SOCS5: variants seen among roughly 807,000 people sequenced by gnomAD.
SOCS5 encodes CIS-6.
Under a neutral mutation model 42.8 loss-of-function variants are expected in SOCS5, and 32 were observed. The observed-to-expected ratio is 0.75, with a 90% CI of 0.56 to 1.01. The LOEUF is 1.01. Among genes scored for constraint, SOCS5 ranks in the 50% least tolerant of loss-of-function variants. SOCS5 has a pLI of 0.00. For missense variants in SOCS5, 627 were observed against 653.0 expected (o/e 0.96, Z 0.43); for synonymous variants, 283 against 229.6 (o/e 1.23, Z -2.10).
intron 1 of SOCS5, among the ~76,000 whole-genome samples, chr2:46,753,716 T>A (rs1245061896): frequency 6.6e-6 from 1 of 152,152 alleles, no homozygotes; most frequent in African/African-American, 2.4e-5. Context: ...TTCTTGATTA[T>A]ATGCTAAACA....
chr2:46,758,338 C>T (rs200381087), intron 1 of SOCS5, among the ~76,000 whole-genome samples, 181 bp from the exon 2 acceptor site: 12 of 152,172 alleles, frequency 7.9e-5, no homozygotes, highest in Non-Finnish European at 1.5e-4. Flanking sequence ...CTAAAAGGCC[C>T]GGTGGCCTTC....
At chr2:46,728,261 T>A (rs1321731732) in intron 1 of SOCS5, among the ~76,000 whole-genome samples, 1 of 152,230 alleles carries the variant, frequency 6.6e-6, no homozygotes, top group South Asian at 2.1e-4. Context: ...TCAGAATCTT[T>A]AAATAGCTGC....
At chr2:46,711,686 G>A (rs1275464835) in intron 1 of SOCS5, among the ~76,000 whole-genome samples, 1 of 152,114 alleles carries the variant, frequency 6.6e-6, no homozygotes, top group Non-Finnish European at 1.5e-5. Flanking sequence ...AAGAATCTTT[G>A]CCACCCCCAC....
intron 1 of SOCS5, among the ~76,000 whole-genome samples, chr2:46,714,940 C>A (rs1268961469): frequency 6.6e-6 from 1 of 151,970 alleles, no homozygotes; most frequent in Non-Finnish European, 1.5e-5. Flanking sequence ...TCGTGATTTG[C>A]CTTCAACTAA....
chr2:46,734,145 AGCAATAGTTGGT>A (rs1400971631), intron 1 of SOCS5, among the ~76,000 whole-genome samples: 3 of 152,140 alleles, frequency 2.0e-5, no homozygotes, highest in East Asian at 3.8e-4. Flanking sequence ...ACTTCTGTGG[AGCAATAGTTGGT>A]GCTGTTTTTT....
rs1264837314 is a variant in SOCS5, at chr2:46,759,067, G to C, written c.537G>C (p.Gln179His). 1.2e-6 allele frequency: 2 copies of C among 1,613,874 alleles called. No homozygotes were observed. The highest frequency in any genetic ancestry group is 1.7e-6 in the Non-Finnish European group (2 of 1,179,864). The change falls in exon 2 of 2, where the codon CAG (glutamine) becomes CAC (histidine). Residue 179 changes from glutamine (Q) to histidine (H), a missense_variant. Around this residue, in one of 3 missense-constraint regions of SOCS5, gnomAD observed 278 missense variants for 246.3 expected, o/e 1.13. Coordinates refer to ENST00000394861, the MANE Select transcript of SOCS5 (RefSeq NM_144949.3). Reference protein sequence around the residue: ...SRTVGSRSLRQRLQDTVGLCF... With the variant: ...SRTVGSRSLRHRLQDTVGLCF... ...CTGTAGGAAGTCGCTCTCTAAGACA[G>C]AGGTTGCAGGATACTGTGGGCTTGT...
At chr2:46,741,798 A>G (rs1673384961) in intron 1 of SOCS5, among the ~76,000 whole-genome samples, 4 of 152,344 alleles carry the variant, frequency 2.6e-5, no homozygotes, top group Non-Finnish European at 4.4e-5. Flanking sequence ...TCACTGAGCA[A>G]TATGATTATT....
chr2:46,712,971 G>A (rs41371146), intron 1 of SOCS5, among the ~76,000 whole-genome samples: 7,177 of 152,152 alleles, frequency 0.047, 252 homozygotes, highest in Non-Finnish European at 0.078. Flanking sequence ...GATGTTCTTC[G>A]TTAAATGTTT....
At chr2:46,758,045 C>T (rs1031171837) in intron 1 of SOCS5, among the ~76,000 whole-genome samples, 7 of 152,178 alleles carry the variant, frequency 4.6e-5, no homozygotes, top group South Asian at 2.1e-4. Flanking sequence ...TGCAAGGAAC[C>T]AGTTAAGTAA....
intron 1 of SOCS5, among the ~76,000 whole-genome samples, chr2:46,714,742 T>C (rs866869325): frequency 6.6e-6 from 1 of 152,214 alleles, no homozygotes; most frequent in Admixed American, 6.5e-5. Context: ...TAATGTAATT[T>C]TGATATAGTT....
At chr2:46,747,500 G>A (rs961055134) in intron 1 of SOCS5, among the ~76,000 whole-genome samples, 1 of 152,172 alleles carries the variant, frequency 6.6e-6, no homozygotes, top group Non-Finnish European at 1.5e-5. Flanking sequence ...ACAGGCATGA[G>A]CCACTATGCC....
chr2:46,718,078 A>T (rs1338747894), intron 1 of SOCS5, among the ~76,000 whole-genome samples: 6 of 129,014 alleles, frequency 4.7e-5, no homozygotes, highest in African/African-American at 1.8e-4. Context: ...TCCTCAACTC[A>T]GTGAGATTCT....
At chr2:46,723,324 T>C (rs886186822) in intron 1 of SOCS5, among the ~76,000 whole-genome samples, 1 of 152,064 alleles carries the variant, frequency 6.6e-6, no homozygotes, top group Non-Finnish European at 1.5e-5. Flanking sequence ...TTTTGAGTTA[T>C]TGTGTAAGGT....
chr2:46,705,648 G>C (rs113236572), intron 1 of SOCS5, among the ~76,000 whole-genome samples: 1 of 152,188 alleles, frequency 6.6e-6, no homozygotes, highest in Non-Finnish European at 1.5e-5. Flanking sequence ...TATGCATGTG[G>C]CCAAAGGGGT....
In SOCS5 at chr2:46,760,882, T is replaced by C. The variant is rs1465953108; in HGVS notation, c.*741T>C. On this transcript the variant is annotated 3_prime_UTR_variant, in exon 2 of 2. Coordinates refer to ENST00000394861, the MANE Select transcript of SOCS5 (RefSeq NM_144949.3). The stretch of plus-strand genomic sequence containing the variant: ...GAATAGCTGCTGCAATGTAGTCTTG[T>C]GTGTGATTTTTTTTTAAGTTGATGT... The C allele has an allele frequency of 6.0e-6, 1 of 167,052 alleles. No homozygotes were observed. The highest frequency in any genetic ancestry group is 1.5e-5 in the Non-Finnish European group (1 of 68,114). The allele number at this position is 167,052 out of a possible 1,614,324, so 10.3% of individuals were successfully genotyped here.
intron 1 of SOCS5, among the ~76,000 whole-genome samples, chr2:46,708,525 C>A (rs1672544762): frequency 6.6e-6 from 1 of 152,008 alleles, no homozygotes; most frequent in Non-Finnish European, 1.5e-5. Flanking sequence ...ATGAGTAATG[C>A]CCATAATATC....
At position 46,728,276 on chromosome 2, in the gene SOCS5, A is replaced by G. The variant is rs1673040567; in HGVS notation, c.-13+28827A>G. Among the ~76,000 whole-genome samples the G allele has an allele frequency of 2.6e-5, 4 of 152,278 alleles. No individual in the cohort carries two copies. The South Asian group carries it at 8.3e-4, about 32-fold the overall frequency. The stretch of plus-strand genomic sequence containing the variant: ...TCAGAATCTTTAAATAGCTGCTCCA[A>G]GCATTCTGGGGTTTTATAGCTATAT... On this transcript the variant is annotated intron_variant, in intron 1 of 1. Coordinates refer to ENST00000394861, the MANE Select transcript of SOCS5 (RefSeq NM_144949.3).
intron 1 of SOCS5, among the ~76,000 whole-genome samples, chr2:46,727,455 C>G (rs1296332832): frequency 6.6e-6 from 1 of 152,156 alleles, no homozygotes; most frequent in African/African-American, 2.4e-5. Flanking sequence ...TTATAAGACT[C>G]TGGATCTTAC....
chr2:46,723,674 G>C (rs1672932096), intron 1 of SOCS5, among the ~76,000 whole-genome samples: 1 of 152,026 alleles, frequency 6.6e-6, no homozygotes, highest in African/African-American at 2.4e-5. Flanking sequence ...TTTAATTACT[G>C]TTGGTTTTTA....
Sources: gnomAD v4.1 joint callset for allele counts (sites outside exome capture counted in the v4.1 genomes callset) on GRCh38, gnomAD v4.1.1 for gene constraint, gnomAD v4.1.1 regional missense constraint, MANE v1.5 for transcripts, NCBI Gene and HGNC (gene_info 2026-07-23, HGNC 2026-07-21) for gene names.